SPECC1: variants seen among roughly 807,000 people sequenced by gnomAD.
The protein encoded by SPECC1 is sperm antigen with calponin homology and coiled-coil domains 1.
In SPECC1, 62 loss-of-function variants were observed where a neutral mutation model predicts 104.1. The ratio of observed to expected loss-of-function variants is 0.60; its 90% CI spans 0.49 to 0.74. The LOEUF is 0.74. Ranked by LOEUF, SPECC1 falls within the 30% of genes least tolerant of loss-of-function variation. The pLI is 0.00. For synonymous variants in SPECC1, 513 were observed against 501.6 expected (o/e 1.02, Z -0.30); for missense variants, 1,306 against 1,310.5 (o/e 1.00, Z 0.05).
In SPECC1 at chr17:20,205,119, C is replaced by T; in HGVS notation, c.1070C>T (p.Thr357Ile). The T allele has an allele frequency of 6.2e-7, 1 of 1,614,162 alleles. No individual in the cohort carries two copies. Among genetic ancestry groups the T allele is most frequent in the Non-Finnish European group, 8.5e-7 (1 of 1,180,030 alleles). The change falls in exon 4 of 15, where the codon ACT (threonine) becomes ATT (isoleucine). Residue 357 changes from threonine to isoleucine, a missense_variant. This residue lies in a region of SPECC1 where 1,177 missense variants were observed against 1,139.9 expected (regional missense o/e 1.03). Transcript: ENST00000395527. ...CCCTTTAAGAGTTCAAAGTGTTCTA[C>T]TGCTGGGAGTTCCCCAAACAGCGTA... ...SNPFKSSKCS[T>I]AGSSPNSVSE... is the part of the protein sequence containing the mutation.
chr17:20,308,642 A>C (rs2041842222), intron 14 of SPECC1, among the ~76,000 whole-genome samples: 3 of 152,216 alleles, frequency 2.0e-5, no homozygotes, highest in Admixed American at 1.3e-4. Context: ...TTTATGCTTT[A>C]AAATGTAGTC....
At chr17:20,227,007 CCCAGGGAAGCACTGCT>C (rs2038256513) in intron 4 of SPECC1, among the ~76,000 whole-genome samples, 5 of 110,780 alleles carry the variant, frequency 4.5e-5, no homozygotes, top group African/African-American at 7.4e-5. Flanking sequence ...GCCAGTGCCT[CCCAGGGAAGCACTGCT>C]CTCCCAGGGA....
chr17:20,078,483 C>A (rs972703382), intron 1 of SPECC1, among the ~76,000 whole-genome samples: 3 of 152,038 alleles, frequency 2.0e-5, no homozygotes, highest in Admixed American at 6.5e-5. Flanking sequence ...CATGACGTGT[C>A]ATTTCCCATG....
At chr17:20,135,071 C>G (rs1236669453) in intron 3 of SPECC1, among the ~76,000 whole-genome samples, 5 of 152,186 alleles carry the variant, frequency 3.3e-5, no homozygotes, top group Non-Finnish European at 7.3e-5. Context: ...ATCTCTTATG[C>G]TGCTTTTCCT....
chr17:20,058,216 CT>C (rs1426237233), intron 1 of SPECC1, among the ~76,000 whole-genome samples: 2 of 152,146 alleles, frequency 1.3e-5, no homozygotes, highest in Non-Finnish European at 2.9e-5. Flanking sequence ...TTTAAATATC[CT>C]TGCGAGCACC....
chr17:20,232,515 C>A, intron 7 of SPECC1, 110 bp downstream of exon 7: 1 of 1,236,872 alleles, frequency 8.1e-7, no homozygotes, highest in Non-Finnish European at 1.1e-6. Flanking sequence ...TATTTCCTTT[C>A]TGAGATCACC....
At chr17:20,298,673 A>G (rs1004337732) in intron 13 of SPECC1, among the ~76,000 whole-genome samples, 4 of 152,122 alleles carry the variant, frequency 2.6e-5, no homozygotes, top group African/African-American at 9.7e-5. Flanking sequence ...GACAGAATCA[A>G]CTGGATTTAG....
At chr17:20,252,957 A>G (rs901886330) in intron 9 of SPECC1, among the ~76,000 whole-genome samples, 2 of 151,852 alleles carry the variant, frequency 1.3e-5, no homozygotes. Flanking sequence ...GTTCTGCGTA[A>G]TGGCTGCACC....
At chr17:20,150,929 T>G (rs938642704) in intron 3 of SPECC1, among the ~76,000 whole-genome samples, 3 of 152,188 alleles carry the variant, frequency 2.0e-5, no homozygotes, top group African/African-American at 7.2e-5. Flanking sequence ...ATAGAAATTT[T>G]TAATAAAAAT....
intron 3 of SPECC1, among the ~76,000 whole-genome samples, chr17:20,151,971 C>G (rs2152567582): frequency 6.6e-6 from 1 of 151,288 alleles, no homozygotes; most frequent in South Asian, 2.1e-4. Context: ...ATCGCTTGAA[C>G]CCGGGAGGCT....
At chr17:20,306,299 G>A (rs986003852) in intron 14 of SPECC1, 3 of 494,724 alleles carry the variant, frequency 6.1e-6, no homozygotes, top group Non-Finnish European at 1.1e-5. Flanking sequence ...ACAAATTTCA[G>A]TTCTGGAAAC....
At chr17:20,090,797 G>A (rs2047372038) in intron 1 of SPECC1, among the ~76,000 whole-genome samples, 1 of 152,140 alleles carries the variant, frequency 6.6e-6, no homozygotes, top group Non-Finnish European at 1.5e-5. Flanking sequence ...TGAGCTCTTG[G>A]TCTCAATATA....
intron 3 of SPECC1, among the ~76,000 whole-genome samples, chr17:20,185,597 G>A (rs553085521): frequency 3.2e-4 from 49 of 152,302 alleles, no homozygotes; most frequent in African/African-American, 1.2e-3. Flanking sequence ...AAAATAAAAC[G>A]GTTGTGTTAA....
At chr17:20,196,131 C>G (rs562411392) in intron 3 of SPECC1, among the ~76,000 whole-genome samples, 2 of 152,320 alleles carry the variant, frequency 1.3e-5, no homozygotes, top group East Asian at 1.9e-4. Context: ...TAAAGCAATT[C>G]TTTAACCCTT....
intron 1 of SPECC1, among the ~76,000 whole-genome samples, chr17:20,051,084 C>CT (rs2045738173): frequency 4.0e-5 from 3 of 75,470 alleles, no homozygotes; most frequent in South Asian, 1.1e-3. Context: ...TTCTTTCTTT[C>CT]TTTCTTTCTT....
chr17:20,156,264 G>A, intron 3 of SPECC1: 3 of 1,318,020 alleles, frequency 2.3e-6, no homozygotes, highest in South Asian at 1.9e-5. Context: ...GGGTCGCGCC[G>A]CAGCCGCAAC....
At chr17:20,262,380 A>G (rs572668926) in intron 12 of SPECC1, among the ~76,000 whole-genome samples, 1 of 152,340 alleles carries the variant, frequency 6.6e-6, no homozygotes, top group African/African-American at 2.4e-5. Context: ...TGCCAAACAG[A>G]TGACTGAAGT....
chr17:20,089,890 G>A lies in SPECC1; in HGVS notation c.-21-6741G>A, dbSNP rs141117691. Among the ~76,000 whole-genome samples the A allele has an allele frequency of 1.5e-3, 228 of 152,282 alleles. 2 individuals carry two copies. The highest frequency in any genetic ancestry group is 5.1e-3 in the African/African-American group (214 of 41,570). ...GATGACTGAGGTTTTGAGTCTGGAA[G>A]AGCAAGAGAAAGGCTGTGCCGATGA... On this transcript the variant is annotated intron_variant, in intron 1 of 14. Transcript: ENST00000395527.
At chr17:20,159,653 G>A (rs564356670) in intron 3 of SPECC1, among the ~76,000 whole-genome samples, 2 of 152,194 alleles carry the variant, frequency 1.3e-5, no homozygotes, top group Admixed American at 6.5e-5. Flanking sequence ...GCAGTCCTCC[G>A]AGTTGGGACA....
Sources: gnomAD v4.1 joint callset for allele counts (sites outside exome capture counted in the v4.1 genomes callset) on GRCh38, gnomAD v4.1.1 for gene constraint, gnomAD v4.1.1 regional missense constraint, MANE v1.5 for transcripts, NCBI Gene and HGNC (gene_info 2026-07-23, HGNC 2026-07-21) for gene names.